The following CTNND2 variants were observed in gnomAD, a reference collection of about 807,000 sequenced individuals.
The protein encoded by CTNND2 is catenin delta-2.
In CTNND2, 22 loss-of-function variants were observed where a neutral mutation model predicts 144.4. That is an observed-to-expected ratio of 0.15 (90% confidence interval 0.11 to 0.22). CTNND2 has a LOEUF of 0.22. Among genes scored for constraint, CTNND2 ranks in the 10% least tolerant of loss-of-function variants. The pLI, the probability that CTNND2 is intolerant of heterozygous loss-of-function variation, is 1.00. For missense variants in CTNND2, 1,353 were observed against 1,618.8 expected (o/e 0.84, Z 2.82); for synonymous variants, 751 against 695.6 (o/e 1.08, Z -1.25).
intron 3 of CTNND2, among the ~76,000 whole-genome samples, chr5:11,422,703 A>G (rs952190099): frequency 1.3e-5 from 2 of 152,222 alleles, no homozygotes; most frequent in Non-Finnish European, 2.9e-5. Context: ...AACAGCCACA[A>G]AGAATTAGCC....
At chr5:11,668,315 C>T (rs377387635) in intron 2 of CTNND2, among the ~76,000 whole-genome samples, 234 of 152,302 alleles carry the variant, frequency 1.5e-3, no homozygotes, top group African/African-American at 5.5e-3. Context: ...TCAATGGTAG[C>T]TTGATGGGGA....
intron 9 of CTNND2, among the ~76,000 whole-genome samples, chr5:11,316,926 T>C (rs1751570097): frequency 6.6e-6 from 1 of 152,080 alleles, no homozygotes; most frequent in Non-Finnish European, 1.5e-5. Flanking sequence ...GTCTTTGCTA[T>C]TGTGAATAGT....
chr5:11,757,369 ACT>A (rs1789010589), intron 1 of CTNND2, among the ~76,000 whole-genome samples: 1 of 151,854 alleles, frequency 6.6e-6, no homozygotes, highest in Non-Finnish European at 1.5e-5. Flanking sequence ...CTCTACAAAT[ACT>A]TTTTTCATTT....
chr5:11,760,727 C>A (rs1333203631), intron 1 of CTNND2, among the ~76,000 whole-genome samples: 1 of 151,912 alleles, frequency 6.6e-6, no homozygotes. Flanking sequence ...AATAACTGAC[C>A]TAGGTCCTAT....
chr5:11,796,125 G>A (rs4262106), intron 1 of CTNND2, among the ~76,000 whole-genome samples: 2,694 of 152,296 alleles, frequency 0.018, 91 homozygotes, highest in African/African-American at 0.062. Context: ...TCAGCATTTA[G>A]GAACTCACGT....
chr5:11,606,082 GCAAAGC>G (rs1427415222), intron 2 of CTNND2, among the ~76,000 whole-genome samples: 1 of 152,156 alleles, frequency 6.6e-6, no homozygotes, highest in Non-Finnish European at 1.5e-5. Flanking sequence ...TAAGAGAGAT[GCAAAGC>G]CAAAGATGGA....
chr5:11,625,275 A>G (rs1016576534), intron 2 of CTNND2, among the ~76,000 whole-genome samples: 7 of 152,136 alleles, frequency 4.6e-5, no homozygotes, highest in African/African-American at 1.7e-4. Context: ...AAAAGTTTGA[A>G]TATGACATAC....
At chr5:11,210,508 T>C (rs972234594) in intron 10 of CTNND2, among the ~76,000 whole-genome samples, 1 of 152,256 alleles carries the variant, frequency 6.6e-6, no homozygotes, top group Admixed American at 6.5e-5. Flanking sequence ...GTCATCTCCC[T>C]TGAGCATAAA....
At chr5:11,326,137 C>T (rs896854634) in intron 9 of CTNND2, among the ~76,000 whole-genome samples, 1 of 152,148 alleles carries the variant, frequency 6.6e-6, no homozygotes, top group African/African-American at 2.4e-5. Context: ...TCCTTTTACC[C>T]CTCCCTTGAA....
At chr5:11,610,531 A>G (rs1345482543) in intron 2 of CTNND2, among the ~76,000 whole-genome samples, 1 of 152,138 alleles carries the variant, frequency 6.6e-6, no homozygotes, top group African/African-American at 2.4e-5. Context: ...AGGCTGCCTC[A>G]ATTTTCACCC....
chr5:11,397,228 G>A, intron 5 of CTNND2, 25 bp from the exon 6 acceptor site: 2 of 1,598,098 alleles, frequency 1.3e-6, no homozygotes, highest in South Asian at 2.2e-5. Flanking sequence ...ATTTAGAGCA[G>A]TCAGTGACAG....
At chr5:11,461,288 G>A (rs1766199528) in intron 3 of CTNND2, among the ~76,000 whole-genome samples, 1 of 152,042 alleles carries the variant, frequency 6.6e-6, no homozygotes, top group Non-Finnish European at 1.5e-5. Context: ...ATGTGCATGT[G>A]GAACTGGAAA....
In CTNND2 at chr5:11,564,496, G is replaced by C. The variant is rs61763042; in HGVS notation, c.287+448C>G. ...TATTTTTACACATGGGGAACTGCAC[G>C]TGTGGTTGATCTTCAAGGGGCAATT... On this transcript the variant is annotated intron_variant, in intron 3 of 21. Coordinates refer to ENST00000304623, the MANE Select transcript of CTNND2 (RefSeq NM_001332.4). 2.2e-4 allele frequency among the ~76,000 whole-genome samples: 34 copies of C among 152,210 alleles called. No homozygotes were observed. The East Asian group carries it at 6.0e-3, about 27-fold the overall frequency.
intron 1 of CTNND2, among the ~76,000 whole-genome samples, chr5:11,775,771 T>C (rs968227046): frequency 5.3e-5 from 8 of 152,212 alleles, no homozygotes; most frequent in Non-Finnish European, 8.8e-5. Flanking sequence ...CCGACATTTA[T>C]GTCCACTGGA....
intron 3 of CTNND2, among the ~76,000 whole-genome samples, chr5:11,416,783 C>T (rs548798845): frequency 6.6e-6 from 1 of 152,202 alleles, no homozygotes; most frequent in South Asian, 2.1e-4. Flanking sequence ...TGTTCAACTT[C>T]AGGAAATAAA....
chr5:11,079,397 T>C (rs1749305293), intron 16 of CTNND2, among the ~76,000 whole-genome samples: 1 of 152,226 alleles, frequency 6.6e-6, no homozygotes. Flanking sequence ...ACAGAAATGA[T>C]ATCCCTAACA....
chr5:11,319,053 C>T (rs999363227), intron 9 of CTNND2, among the ~76,000 whole-genome samples: 2 of 152,140 alleles, frequency 1.3e-5, no homozygotes, highest in Non-Finnish European at 2.9e-5. Context: ...TTATTATCCT[C>T]ATTTTACTCT....
intron 3 of CTNND2, among the ~76,000 whole-genome samples, chr5:11,427,985 A>G (rs1029490175): frequency 9.2e-4 from 140 of 152,310 alleles, no homozygotes; most frequent in African/African-American, 3.1e-3. Context: ...TTACATGGTG[A>G]CAGCAAGAGC....
chr5:10,978,688 C>G (rs564118213), intron 21 of CTNND2, among the ~76,000 whole-genome samples: 2 of 152,332 alleles, frequency 1.3e-5, no homozygotes, highest in South Asian at 4.1e-4. Context: ...AGATGCGGAG[C>G]TTGCTCTCCA....
Sources: gnomAD v4.1 joint callset for allele counts (sites outside exome capture counted in the v4.1 genomes callset) on GRCh38, gnomAD v4.1.1 for gene constraint, MANE v1.5 for transcripts, NCBI Gene and HGNC (gene_info 2026-07-23, HGNC 2026-07-21) for gene names.